The following C4orf50 variants were observed in gnomAD, a reference collection of about 807,000 sequenced individuals.
C4orf50 encodes uncharacterized protein C4orf50.
C4orf50 carries 80 observed loss-of-function variants against 77.2 expected under a neutral mutation model. That is an observed-to-expected ratio of 1.04 (90% confidence interval 0.87 to 1.25). C4orf50 has a LOEUF of 1.25. Among genes scored for constraint, C4orf50 ranks in the 50% most tolerant of loss-of-function variants. The pLI is 0.00. For missense variants in C4orf50, 1,257 were observed against 1,152.9 expected (o/e 1.09, Z -1.31); for synonymous variants, 532 against 465.3 (o/e 1.14, Z -1.84).
chr4:6,014,106 G>A (rs980658339), intron 23 of C4orf50, among the ~76,000 whole-genome samples: 3 of 151,804 alleles, frequency 2.0e-5, no homozygotes, highest in Admixed American at 1.3e-4. Flanking sequence ...GGGTTCAAGC[G>A]ATTCTCCTGC....
At position 5,935,807 on chromosome 4, in the gene C4orf50, A is replaced by AAAAAAAC. The variant is rs1308157183; in HGVS notation, c.*2474+21093_*2474+21094insGTTTTTT. On this transcript the variant is annotated intron_variant, in intron 7 of 7. Transcript: ENST00000324058. ...TCTAAAAAAAAAAAAAAAAAAAAAA[A>AAAAAAAC]AAAGCCCCAGAGGCCAACATTACAA... Among the ~76,000 whole-genome samples, 6 of 145,334 alleles carry AAAAAAAC rather than the reference A, an allele frequency of 4.1e-5. 1 individual carries two copies. The highest frequency in any genetic ancestry group is 8.2e-5 in the African/African-American group (3 of 36,592).
intron 7 of C4orf50, among the ~76,000 whole-genome samples, chr4:5,947,216 T>A (rs1194764401): frequency 6.6e-6 from 1 of 152,138 alleles, no homozygotes; most frequent in Non-Finnish European, 1.5e-5. Flanking sequence ...AGCTGAGCTG[T>A]GTGACCTCCA....
chr4:5,937,675 C>T (rs1377328337), intron 7 of C4orf50, among the ~76,000 whole-genome samples: 3 of 152,056 alleles, frequency 2.0e-5, no homozygotes, highest in Non-Finnish European at 4.4e-5. Flanking sequence ...CAGCTATATG[C>T]TGTTAACAGA....
In C4orf50 at chr4:5,920,777, A is replaced by G. The variant is rs1019637454; in HGVS notation, c.*2475-22589T>C. Among the ~76,000 whole-genome samples the G allele has an allele frequency of 2.0e-5, 3 of 152,210 alleles. No individual in the cohort carries two copies. In the East Asian group the frequency reaches 5.8e-4, roughly 29 times the overall value. On this transcript the variant is annotated intron_variant, in intron 7 of 7. Transcript: ENST00000324058. The stretch of plus-strand genomic sequence containing the variant: ...AGGCGTGAGCCACAGCACCTGGCCA[A>G]ATATTGCATTTGGTTTTCCAAGCAC...
chr4:6,012,922 G>T (rs1333926483), intron 23 of C4orf50, among the ~76,000 whole-genome samples: 1 of 152,118 alleles, frequency 6.6e-6, no homozygotes, highest in African/African-American at 2.4e-5. Flanking sequence ...CCATGCCTAA[G>T]CTCTACATAT....
At chr4:5,988,400 T>A (rs1464332362) in exon 28 of C4orf50, 17 of 1,613,588 alleles carry the variant, frequency 1.1e-5, no homozygotes, top group Non-Finnish European at 1.4e-5. Flanking sequence ...ACAGAACACC[T>A]GGGCCTCTTC....
At chr4:5,904,406 G>C (rs1716460484) in intron 7 of C4orf50, 1 of 152,280 alleles carries the variant, frequency 6.6e-6, no homozygotes, top group Non-Finnish European at 1.5e-5. Flanking sequence ...CGCAACTCAT[G>C]GACACAAGTT....
At chr4:5,990,623 C>T (rs1169150986) in exon 28 of C4orf50, 2 of 399,094 alleles carry the variant, frequency 5.0e-6, no homozygotes, top group African/African-American at 2.1e-5. Context: ...CGCCAAGAAG[C>T]GGAGTCCCCA....
intron 29 of C4orf50, among the ~76,000 whole-genome samples, chr4:5,979,332 C>T (rs1720445961): frequency 6.6e-6 from 1 of 152,156 alleles, no homozygotes; most frequent in African/African-American, 2.4e-5. Context: ...TATGATTTGG[C>T]CTCATGATGA....
At chr4:5,988,912 G>C in exon 28 of C4orf50, 1 of 1,535,976 alleles carries the variant, frequency 6.5e-7, no homozygotes, top group Non-Finnish European at 8.7e-7. Context: ...TTGCTCCATC[G>C]TGTCTTTGGA....
chr4:6,004,815 A>ATAG lies in C4orf50; in HGVS notation c.963+3180_963+3181insCTA, dbSNP rs1340195161. Among the ~76,000 whole-genome samples, 22 of 149,942 alleles carry ATAG rather than the reference A, an allele frequency of 1.5e-4. No individual in the cohort carries two copies. The East Asian group carries it at 4.0e-3, about 28-fold the overall frequency. ...GGTGATGGTGATGGTGATGTTGGTG[A>ATAG]TGATGGTGATAGTGATGATGTGATG... On this transcript the variant is annotated intron_variant, in intron 25 of 33. Coordinates refer to ENST00000531445, the Ensembl canonical transcript of C4orf50.
exon 34 of C4orf50, chr4:5,959,537 T>C (rs749616822): frequency 6.2e-7 from 1 of 1,614,176 alleles, no homozygotes; most frequent in Non-Finnish European, 8.5e-7. Context: ...CGCCTTTTTC[T>C]TGCAGACGTT....
chr4:6,010,039 C>A (rs1017557203), intron 24 of C4orf50, among the ~76,000 whole-genome samples: 5 of 152,232 alleles, frequency 3.3e-5, no homozygotes, highest in African/African-American at 1.2e-4. Flanking sequence ...TCCCTAACAG[C>A]ATGTCACTTG....
chr4:5,969,875 C>A (rs1238178751), intron 31 of C4orf50, among the ~76,000 whole-genome samples: 1 of 152,154 alleles, frequency 6.6e-6, no homozygotes, highest in Non-Finnish European at 1.5e-5. Flanking sequence ...ACAGGAAGCT[C>A]AGGAGTTCTC....
intron 7 of C4orf50, among the ~76,000 whole-genome samples, chr4:5,948,203 C>T (rs565790765): frequency 2.6e-5 from 4 of 152,260 alleles, no homozygotes; most frequent in South Asian, 4.2e-4. Flanking sequence ...TTTGCAGGTG[C>T]GAAAATTCAA....
intron 7 of C4orf50, among the ~76,000 whole-genome samples, chr4:5,922,756 T>C (rs1467023853): frequency 6.6e-6 from 1 of 152,204 alleles, no homozygotes; most frequent in Non-Finnish European, 1.5e-5. Context: ...AATGGGCAGA[T>C]GGATGCCAGA....
intron 7 of C4orf50, among the ~76,000 whole-genome samples, chr4:5,915,433 G>C (rs1253091397): frequency 6.6e-6 from 1 of 152,210 alleles, no homozygotes; most frequent in African/African-American, 2.4e-5. Flanking sequence ...TCCTAGACTA[G>C]AGCTTGGAAA....
chr4:6,003,632 G>GTGATA (rs1721948017), intron 25 of C4orf50, among the ~76,000 whole-genome samples: 2 of 143,432 alleles, frequency 1.4e-5, no homozygotes, highest in East Asian at 2.3e-4. Flanking sequence ...TGGTGATGAC[G>GTGATA]GTGATGATGT....
chr4:5,976,230 G>C (rs900929459), intron 29 of C4orf50, among the ~76,000 whole-genome samples: 2 of 151,884 alleles, frequency 1.3e-5, no homozygotes, highest in African/African-American at 4.8e-5. Flanking sequence ...CGGATCACGA[G>C]GTCAGGAGAT....
Sources: gnomAD v4.1 joint callset for allele counts (sites outside exome capture counted in the v4.1 genomes callset) on GRCh38, gnomAD v4.1.1 for gene constraint, MANE v1.5 for transcripts, NCBI Gene and HGNC (gene_info 2026-07-23, HGNC 2026-07-21) for gene names.